The following MAGEC3 variants were observed in gnomAD, a reference collection of about 807,000 sequenced individuals.
The protein encoded by MAGEC3 is MAGE family member C3.
In MAGEC3, 34 loss-of-function variants were observed where a neutral mutation model predicts 35.3. The ratio of observed to expected loss-of-function variants is 0.96; its 90% CI spans 0.73 to 1.28. The LOEUF is 1.28. MAGEC3 is among the 50% of genes most tolerant of loss of function. The probability of loss-of-function intolerance (pLI) is 0.00; values close to 1 mark genes in which losing one functional copy is unlikely to be tolerated. For missense variants in MAGEC3, 561 were observed against 483.6 expected, an observed-to-expected ratio of 1.16 and a Z score of -1.50; for synonymous variants, 202 against 185.6, an observed-to-expected ratio of 1.09 and a Z score of -0.72.
intron 2 of MAGEC3, among the ~76,000 whole-genome samples, chrX:141,874,268 A>G (rs1312473617): frequency 8.9e-6 from 1 of 112,103 alleles, no homozygotes; most frequent in Non-Finnish European, 1.9e-5. Context: ...TATGAAACAC[A>G]TAGAAGATAC....
chrX:141,897,210 G>A lies in MAGEC3; in HGVS notation c.1452G>A (p.Thr484=), dbSNP rs1174126783. The A allele has an allele frequency of 7.4e-6, 9 of 1,211,655 alleles. No individual in the cohort carries two copies. Among genetic ancestry groups the A allele is most frequent in the Admixed American group, 2.2e-5 (1 of 46,055 alleles). The change falls in exon 7 of 8, where the codon ACG becomes ACA. Residue 484 remains threonine (T), a synonymous_variant. Transcript: ENST00000298296. ...CTGTCACAAAGGCAGAGATGCTGAC[G>A]ACTGTCATCAAGAAGTATAAGGACT... ...KEPVTKAEML[T]TVIKKYKDYF...
intron 1 of MAGEC3, 69 bp downstream of exon 1, chrX:141,838,507 C>G: frequency 5.2e-6 from 6 of 1,163,942 alleles, no homozygotes; most frequent in Non-Finnish European, 3.5e-6. Flanking sequence ...TGCATCTCAG[C>G]CTCAGTGTTG....
rs140752145 is a variant in MAGEC3 at position 141,879,413 on chromosome X, G to C, written c.497G>C (p.Trp166Ser). 1.3e-5 allele frequency: 15 copies of C among 1,179,593 alleles called. No individual in the cohort carries two copies. In the African/African-American group the frequency reaches 1.6e-4, roughly 13 times the overall value. ...GCCGTCAGCCCTGGAAAAAGGTTGT[G>C]GGGGGAGAAAGCGGGGAGGTGGGCA... ...LPAVSPGKRL[W>S]GEKAGSLPES... Residue 166 changes from tryptophan (W) to serine (S), a missense_variant, in exon 3 of 8, where the codon TGG becomes TCG. Transcript: ENST00000298296.
At chrX:141,878,061 C>T (rs367562400) in intron 2 of MAGEC3, among the ~76,000 whole-genome samples, 2 of 112,315 alleles carry the variant, frequency 1.8e-5, no homozygotes. Context: ...CATGTTCCTT[C>T]GATGCCCTTT....
intron 2 of MAGEC3, among the ~76,000 whole-genome samples, chrX:141,871,087 G>C (rs6636500): frequency 0.062 from 6,919 of 111,354 alleles, 263 homozygotes; most frequent in East Asian, 0.31. Context: ...TTTTTCTTAG[G>C]CCAATTAATT....
intron 1 of MAGEC3, among the ~76,000 whole-genome samples, chrX:141,844,093 C>T (rs1190524317): frequency 1.8e-5 from 2 of 110,554 alleles, no homozygotes; most frequent in Admixed American, 9.7e-5. Context: ...CTTTTCCGTC[C>T]GATATCATGT....
chrX:141,838,608 G>T, intron 1 of MAGEC3, 170 bp downstream of exon 1: 8 of 727,563 alleles, frequency 1.1e-5, no homozygotes, highest in Non-Finnish European at 1.3e-5. Context: ...TCCCTTGGTT[G>T]CAGTAGCCTG....
chrX:141,849,936 A>C (rs777104403), intron 1 of MAGEC3, among the ~76,000 whole-genome samples: 2 of 111,502 alleles, frequency 1.8e-5, no homozygotes, highest in South Asian at 3.7e-4. Context: ...TGTTCATCAC[A>C]GTGCTATTCA....
chrX:141,858,775 A>G (rs1039506377), intron 1 of MAGEC3, among the ~76,000 whole-genome samples: 4 of 111,096 alleles, frequency 3.6e-5, no homozygotes, highest in African/African-American at 1.3e-4. Context: ...CTATATATAT[A>G]GTGTGTGTAT....
At chrX:141,857,255 T>C (rs2017786719) in intron 1 of MAGEC3, among the ~76,000 whole-genome samples, 1 of 110,992 alleles carries the variant, frequency 9.0e-6, no homozygotes, top group East Asian at 2.9e-4. Context: ...ATAGATCTGC[T>C]TATCTGTAAG....
chrX:141,859,829 G>T (rs2017804242), intron 1 of MAGEC3, among the ~76,000 whole-genome samples: 1 of 111,544 alleles, frequency 9.0e-6, no homozygotes, highest in South Asian at 3.7e-4. Flanking sequence ...ATCTTCCAAG[G>T]AAAACCTATT....
Position 141,895,502 on chromosome X carries a change from C to T in MAGEC3, c.1066C>T (p.Gln356Ter), listed in dbSNP as rs1340675022. ...TGCCATAGGACTTGCAGGCCACAGA[C>T]AGGAAGATGGCCGCCGAGGGCTGAC... The part of the protein sequence containing the change: ...ANPQGLAGHR[Q>*]EDGRRGLTEA... The change falls in exon 6 of 8, where the codon CAG becomes TAG. Residue 356 changes from glutamine (Q) to a stop codon, truncating the protein, a stop_gained. Coordinates refer to ENST00000298296, the MANE Select transcript of MAGEC3 (RefSeq NM_138702.1). LOFTEE classifies it high-confidence loss of function. The T allele has an allele frequency of 8.3e-7, 1 of 1,210,777 alleles. No homozygotes were observed. Among genetic ancestry groups the T allele is most frequent in the South Asian group, 1.8e-5 (1 of 56,930 alleles).
chrX:141,841,477 A>G (rs1346710958), intron 1 of MAGEC3, among the ~76,000 whole-genome samples: 1 of 112,039 alleles, frequency 8.9e-6, no homozygotes, highest in African/African-American at 3.2e-5. Context: ...GAGTTTACCT[A>G]TATAACAAAC....
chrX:141,844,070 A>G (rs1021297682), intron 1 of MAGEC3, among the ~76,000 whole-genome samples: 1 of 110,688 alleles, frequency 9.0e-6, no homozygotes, highest in African/African-American at 3.3e-5. Context: ...ATACTGTGTA[A>G]GTTATTCTGA....
intron 7 of MAGEC3, 71 bp from the exon 8 acceptor site, chrX:141,897,558 A>G: frequency 8.4e-7 from 1 of 1,195,222 alleles, no homozygotes; most frequent in Middle Eastern, 2.4e-4. Context: ...GGGTGCAGAG[A>G]AAGTACCTGG....
chrX:141,839,882 A>G (rs2017676077), intron 1 of MAGEC3: 1 of 474,559 alleles, frequency 2.1e-6, no homozygotes, highest in Non-Finnish European at 2.6e-6. Flanking sequence ...AGAGACAGAG[A>G]TGCTTCTAAG....
chrX:141,887,478 G>A (rs2018011282), intron 4 of MAGEC3, among the ~76,000 whole-genome samples: 1 of 112,081 alleles, frequency 8.9e-6, no homozygotes, highest in Non-Finnish European at 1.9e-5. Flanking sequence ...TAGTGGTGTG[G>A]GGGCAGTTGA....
intron 1 of MAGEC3, among the ~76,000 whole-genome samples, chrX:141,856,035 A>T (rs1037032877): frequency 3.6e-5 from 4 of 111,782 alleles, no homozygotes; most frequent in African/African-American, 1.3e-4. Flanking sequence ...AAAGGTGTCC[A>T]GGTTGTGATA....
intron 1 of MAGEC3, among the ~76,000 whole-genome samples, chrX:141,858,625 C>T (rs1255495210): frequency 9.0e-6 from 1 of 110,725 alleles, no homozygotes; most frequent in East Asian, 2.8e-4. Context: ...TTCCAATTCT[C>T]CCAACTTAGC....
Sources: gnomAD v4.1 joint callset for allele counts (sites outside exome capture counted in the v4.1 genomes callset) on GRCh38, gnomAD v4.1.1 for gene constraint, MANE v1.5 for transcripts, NCBI Gene and HGNC (gene_info 2026-07-23, HGNC 2026-07-21) for gene names.